The following LRRC49 variants were observed in gnomAD, a reference collection of about 807,000 sequenced individuals.
The protein encoded by LRRC49 is leucine-rich repeat-containing protein 49.
Under a neutral mutation model 83.3 loss-of-function variants are expected in LRRC49, and 50 were observed. The observed-to-expected ratio is 0.60, with a 90% CI of 0.48 to 0.76. The LOEUF is 0.76. Among genes scored for constraint, LRRC49 ranks in the 30% least tolerant of loss-of-function variants. The pLI is 0.00. For missense variants in LRRC49, 704 were observed against 809.1 expected (o/e 0.87, Z 1.58); for synonymous variants, 286 against 283.3 (o/e 1.01, Z -0.10).
chr15:70,886,300 C>A (rs2033406104), intron 2 of LRRC49, among the ~76,000 whole-genome samples: 1 of 151,936 alleles, frequency 6.6e-6, no homozygotes, highest in Non-Finnish European at 1.5e-5. Context: ...TAACATAGCC[C>A]CCTCTCAGGA....
At chr15:71,045,599 T>A (rs4776536) in intron 15 of LRRC49, among the ~76,000 whole-genome samples, 44,892 of 152,160 alleles carry the variant, frequency 0.3, 7,999 homozygotes, top group Non-Finnish European at 0.39. Context: ...GTTTTGACAA[T>A]TCATACATTC....
chr15:71,023,275 T>C (rs2039049932), intron 14 of LRRC49, among the ~76,000 whole-genome samples: 1 of 151,906 alleles, frequency 6.6e-6, no homozygotes, highest in African/African-American at 2.4e-5. Context: ...AGAAGAAAGT[T>C]AAAGAAAAGA....
chr15:70,976,212 T>C (rs574418715), intron 9 of LRRC49, among the ~76,000 whole-genome samples: 128 of 152,290 alleles, frequency 8.4e-4, no homozygotes, highest in African/African-American at 2.9e-3. Context: ...ACAGCTAATA[T>C]CCCTGGACCA....
chr15:70,983,449 T>A (rs1345452444), intron 10 of LRRC49, among the ~76,000 whole-genome samples: 2 of 152,208 alleles, frequency 1.3e-5, no homozygotes, highest in East Asian at 3.8e-4. Flanking sequence ...TGAGAACCAC[T>A]ACCTTAAGAC....
At chr15:71,037,065 A>C (rs1338117482) in intron 14 of LRRC49, 114 bp from the exon 15 acceptor site, 1 of 702,048 alleles carries the variant, frequency 1.4e-6, no homozygotes, top group African/African-American at 1.9e-5. Context: ...ACTCAAACTC[A>C]TTAAAATATA....
chr15:70,909,839 AACACAC>A (rs146189261), intron 5 of LRRC49, among the ~76,000 whole-genome samples: 72 of 136,150 alleles, frequency 5.3e-4, no homozygotes, highest in African/African-American at 1.6e-3. Flanking sequence ...CTCCATCTCA[AACACAC>A]ACACACACAC....
intron 14 of LRRC49, among the ~76,000 whole-genome samples, chr15:71,024,394 C>T (rs796459928): frequency 1.1e-4 from 16 of 152,234 alleles, no homozygotes; most frequent in Admixed American, 3.9e-4. Flanking sequence ...ACAGAGACCC[C>T]GGAGGAAGGA....
In LRRC49 at chr15:71,037,239, A is replaced by C. The variant is rs375232495; in HGVS notation, c.1764A>C (p.Glu588Asp). ...GAAAAAAACCTGGTATTATCAACGAAGAAAATAATGACAGCAAAAGACTTG... is the reference window on the plus strand; with the variant it reads ...GAAAAAAACCTGGTATTATCAACGACGAAAATAATGACAGCAAAAGACTTG... ...SKGKKPGIIN[E>D]ENNDSKRLVG... The change falls in exon 15 of 16, where the codon GAA becomes GAC. Residue 588 changes from glutamate (E) to aspartate (D), a missense_variant. Around this residue, in one of 3 missense-constraint regions of LRRC49, gnomAD observed 275 missense variants for 338.0 expected, o/e 0.81. Transcript: ENST00000260382. 8.7e-6 allele frequency: 14 copies of C among 1,611,386 alleles called. No homozygotes were observed. The highest frequency in any genetic ancestry group is 1.3e-5 in the African/African-American group (1 of 74,904).
At chr15:71,010,756 G>A (rs534146673) in intron 13 of LRRC49, among the ~76,000 whole-genome samples, 202 of 151,796 alleles carry the variant, frequency 1.3e-3, no homozygotes, top group African/African-American at 4.6e-3. Context: ...AATTTGGAAG[G>A]AAAGAGAGAA....
intron 7 of LRRC49, among the ~76,000 whole-genome samples, chr15:70,929,101 T>C (rs2035316663): frequency 6.6e-6 from 1 of 152,220 alleles, no homozygotes; most frequent in African/African-American, 2.4e-5. Context: ...TTTATCTAAT[T>C]TGATTTTCAG....
rs1424252760 is a variant in LRRC49 at position 71,049,459 on chromosome 15, G to A, written c.1908G>A (p.Val636=). The A allele has an allele frequency of 3.7e-6, 6 of 1,613,174 alleles. No individual in the cohort carries two copies. Among genetic ancestry groups the A allele is most frequent in the Non-Finnish European group, 5.1e-6 (6 of 1,179,378 alleles). ...KFCKTYIEDL[V]KEATEINMKN... The stretch of plus-strand genomic sequence containing the variant: ...GTAAAACATATATAGAAGACCTTGT[G>A]AAGGAAGCCACAGAAATCAACATGA... The change falls in exon 16 of 16, where the codon GTG becomes GTA. Residue 636 remains valine, a synonymous_variant. Transcript: ENST00000260382.
chr15:70,936,973 C>G (rs901017542), intron 8 of LRRC49, 151 bp downstream of exon 8: 1 of 591,916 alleles, frequency 1.7e-6, no homozygotes, highest in Non-Finnish European at 3.0e-6. Flanking sequence ...TGTGGAAAAG[C>G]AAAGCTCTTG....
chr15:70,976,419 A>G (rs1567079282), intron 9 of LRRC49, among the ~76,000 whole-genome samples: 1 of 152,352 alleles, frequency 6.6e-6, no homozygotes, highest in South Asian at 2.1e-4. Context: ...ACTAAAGTAT[A>G]TGGTTAAAAC....
chr15:70,959,868 T>G (rs905487874), intron 8 of LRRC49, among the ~76,000 whole-genome samples: 5 of 152,216 alleles, frequency 3.3e-5, no homozygotes, highest in Admixed American at 2.6e-4. Context: ...GATCAAAGTA[T>G]GTTTTCACAA....
intron 8 of LRRC49, among the ~76,000 whole-genome samples, chr15:70,951,252 G>A (rs983587880): frequency 4.6e-5 from 7 of 151,850 alleles, no homozygotes; most frequent in African/African-American, 1.7e-4. Context: ...CTCTCTTTTG[G>A]TTCCTCCATA....
chr15:70,882,911 A>G (rs1467255313), intron 2 of LRRC49: 1 of 1,613,620 alleles, frequency 6.2e-7, no homozygotes, highest in Non-Finnish European at 8.5e-7. Flanking sequence ...CACGTAATCT[A>G]AAAATACAAA....
chr15:70,955,426 C>A (rs1021909176), intron 8 of LRRC49, among the ~76,000 whole-genome samples: 1 of 152,104 alleles, frequency 6.6e-6, no homozygotes. Context: ...CTAGTCTTAG[C>A]CCCAAGCTTT....
At chr15:70,952,995 A>C (rs775390117) in intron 8 of LRRC49, among the ~76,000 whole-genome samples, 1 of 151,916 alleles carries the variant, frequency 6.6e-6, no homozygotes, top group African/African-American at 2.4e-5. Flanking sequence ...ATCTTTCTCC[A>C]TTTCTTTACT....
chr15:70,946,183 G>A (rs2036002376), intron 8 of LRRC49, among the ~76,000 whole-genome samples: 1 of 152,058 alleles, frequency 6.6e-6, no homozygotes, highest in Admixed American at 6.6e-5. Context: ...TAATCACCAT[G>A]TTGAACTAAT....
Sources: allele counts gnomAD v4.1 joint callset (sites outside exome capture counted in the v4.1 genomes callset), GRCh38; gene constraint gnomAD v4.1.1; regional missense constraint gnomAD v4.1.1; transcripts MANE v1.5; gene names NCBI Gene and HGNC (gene_info 2026-07-23, HGNC 2026-07-21).